The following MACROD2 variants were observed in gnomAD, a reference collection of about 807,000 sequenced individuals.
The protein encoded by MACROD2 is mono-ADP ribosylhydrolase 2, also known as ADP-ribose glycohydrolase MACROD2.
MACROD2 carries 36 observed loss-of-function variants against 70.4 expected under a neutral mutation model. The ratio of observed to expected loss-of-function variants is 0.51; its 90% CI spans 0.39 to 0.68. MACROD2 has a LOEUF of 0.68. Ranked by LOEUF, MACROD2 falls within the 30% of genes least tolerant of loss-of-function variation. The probability of loss-of-function intolerance (pLI) is 0.00; values close to 1 mark genes in which losing one functional copy is unlikely to be tolerated. For synonymous variants in MACROD2, 172 were observed against 178.8 expected (o/e 0.96, Z 0.30); for missense variants, 496 against 538.4 (o/e 0.92, Z 0.78).
intron 12 of MACROD2, among the ~76,000 whole-genome samples, chr20:15,938,858 G>A (rs2065707233): frequency 6.6e-6 from 1 of 152,184 alleles, no homozygotes; most frequent in African/African-American, 2.4e-5. Flanking sequence ...TGCTACTCCA[G>A]TGGACACATG....
In MACROD2 at chr20:14,469,152, G is replaced by A. The variant is rs985568383; in HGVS notation, c.272-24327G>A. On this transcript the variant is annotated intron_variant, in intron 3 of 17. Coordinates refer to ENST00000684519, the MANE Select transcript of MACROD2 (RefSeq NM_001351661.2). ...TGACAAAATCTCTCAGCATTTGCTT[G>A]TCTGTAAAGGATTTTTTTTCTCCTT... Among the ~76,000 whole-genome samples the A allele has an allele frequency of 9.9e-5, 15 of 152,082 alleles. 1 individual carries two copies. Among genetic ancestry groups the A allele is most frequent in the African/African-American group, 3.4e-4 (14 of 41,400 alleles).
chr20:14,964,702 C>T (rs182670333), intron 5 of MACROD2, among the ~76,000 whole-genome samples: 4 of 152,156 alleles, frequency 2.6e-5, no homozygotes, highest in Admixed American at 6.5e-5. Flanking sequence ...GAAATAGTAG[C>T]TAGATTTATT....
intron 2 of MACROD2, among the ~76,000 whole-genome samples, chr20:14,046,321 G>T (rs369484680): frequency 6.6e-6 from 1 of 152,178 alleles, no homozygotes; most frequent in South Asian, 2.1e-4. Flanking sequence ...ATCCTAGGGA[G>T]AGTAACTGGC....
chr20:15,427,044 T>C (rs2046307755), intron 6 of MACROD2, among the ~76,000 whole-genome samples: 1 of 152,018 alleles, frequency 6.6e-6, no homozygotes, highest in Admixed American at 6.6e-5. Context: ...CTCTGAGTAA[T>C]AAAAAATGAT....
intron 3 of MACROD2, among the ~76,000 whole-genome samples, chr20:14,314,858 C>T (rs2082599569): frequency 6.6e-6 from 1 of 152,070 alleles, no homozygotes; most frequent in Non-Finnish European, 1.5e-5. Context: ...ACTTGAAATA[C>T]ATAATTTTTT....
intron 6 of MACROD2, among the ~76,000 whole-genome samples, chr20:15,304,633 C>T (rs985961446): frequency 1.3e-5 from 2 of 152,200 alleles, no homozygotes; most frequent in Admixed American, 1.3e-4. Flanking sequence ...TCAGCACCAG[C>T]TCATATTCCT....
chr20:15,224,959 TAAAAAA>T (rs5840661), intron 5 of MACROD2, among the ~76,000 whole-genome samples: 1 of 124,532 alleles, frequency 8.0e-6, no homozygotes, highest in Non-Finnish European at 1.7e-5. Flanking sequence ...GACTTTGTCT[TAAAAAA>T]AAAAAAAAAA....
intron 5 of MACROD2, among the ~76,000 whole-genome samples, chr20:14,817,005 A>T (rs1208890366): frequency 2.0e-5 from 3 of 152,162 alleles, no homozygotes; most frequent in Non-Finnish European, 4.4e-5. Flanking sequence ...ATATAAGAAC[A>T]CATCTAAATG....
At chr20:15,253,539 T>C (rs944594244) in intron 6 of MACROD2, among the ~76,000 whole-genome samples, 1 of 152,212 alleles carries the variant, frequency 6.6e-6, no homozygotes, top group African/African-American at 2.4e-5. Flanking sequence ...AATCATTTCA[T>C]ACTATTTGTA....
At chr20:14,346,552 A>G (rs1002796810) in intron 3 of MACROD2, among the ~76,000 whole-genome samples, 15 of 152,238 alleles carry the variant, frequency 9.9e-5, no homozygotes, top group African/African-American at 3.4e-4. Context: ...CATGGTATTC[A>G]GGCTCAGAGA....
At chr20:15,564,014 C>T (rs985837691) in intron 8 of MACROD2, among the ~76,000 whole-genome samples, 1 of 152,120 alleles carries the variant, frequency 6.6e-6, no homozygotes, top group African/African-American at 2.4e-5. Context: ...TGGATTAGAT[C>T]CCCTAAACTT....
chr20:15,868,633 C>A (rs554647025), intron 9 of MACROD2, among the ~76,000 whole-genome samples: 424 of 137,028 alleles, frequency 3.1e-3, no homozygotes, highest in Non-Finnish European at 4.0e-3. Flanking sequence ...AGTTTGGTGA[C>A]CATTGGTTGA....
chr20:14,116,780 G>A (rs2054519099), intron 3 of MACROD2, among the ~76,000 whole-genome samples: 1 of 151,900 alleles, frequency 6.6e-6, no homozygotes, highest in Non-Finnish European at 1.5e-5. Flanking sequence ...TTTTAATATA[G>A]TATTTAGGCC....
intron 8 of MACROD2, among the ~76,000 whole-genome samples, chr20:15,710,906 AAC>A (rs1358638434): frequency 2.6e-5 from 4 of 152,194 alleles, no homozygotes; most frequent in African/African-American, 4.8e-5. Flanking sequence ...GCATTTTGCA[AAC>A]ACATGAGCAA....
At chr20:14,170,729 C>A (rs1268046519) in intron 3 of MACROD2, among the ~76,000 whole-genome samples, 1 of 152,096 alleles carries the variant, frequency 6.6e-6, no homozygotes, top group Non-Finnish European at 1.5e-5. Flanking sequence ...TTCTGATATG[C>A]TGTTGAAGTT....
At chr20:15,157,165 A>G (rs2076312290) in intron 5 of MACROD2, among the ~76,000 whole-genome samples, 1 of 152,178 alleles carries the variant, frequency 6.6e-6, no homozygotes, top group African/African-American at 2.4e-5. Context: ...GAGGCTGGGA[A>G]GTCCAAGACT....
chr20:14,891,514 TA>T (rs905465711), intron 5 of MACROD2, among the ~76,000 whole-genome samples: 3 of 152,314 alleles, frequency 2.0e-5, no homozygotes, highest in Admixed American at 6.5e-5. Flanking sequence ...CTTCTATTTT[TA>T]ATAATATCTT....
chr20:14,925,771 A>G (rs972836384), intron 5 of MACROD2, among the ~76,000 whole-genome samples: 2 of 152,220 alleles, frequency 1.3e-5, no homozygotes, highest in African/African-American at 4.8e-5. Context: ...ATTGTACAAC[A>G]GTATTTGCAT....
At chr20:15,050,411 A>C (rs1467654543) in intron 5 of MACROD2, among the ~76,000 whole-genome samples, 2 of 152,200 alleles carry the variant, frequency 1.3e-5, no homozygotes, top group Non-Finnish European at 2.9e-5. Flanking sequence ...GCATTTTGAT[A>C]AATTCAATTA....
Sources: gnomAD v4.1 joint callset for allele counts (sites outside exome capture counted in the v4.1 genomes callset) on GRCh38, gnomAD v4.1.1 for gene constraint, MANE v1.5 for transcripts, NCBI Gene and HGNC (gene_info 2026-07-23, HGNC 2026-07-21) for gene names.